Variants in CCSER1 observed in about 807,000 individuals in gnomAD.
CCSER1 encodes the protein serine-rich coiled-coil domain-containing protein 1.
Under a neutral mutation model 82.0 loss-of-function variants are expected in CCSER1, and 41 were observed. That is an observed-to-expected ratio of 0.50 (90% CI 0.39 to 0.65). The LOEUF (loss-of-function observed/expected upper bound fraction) is 0.65. Among genes scored for constraint, CCSER1 ranks in the 30% least tolerant of loss-of-function variants. CCSER1 has a pLI of 0.00. For synonymous variants in CCSER1, 414 were observed against 383.9 expected (o/e 1.08, Z -0.92); for missense variants, 1,119 against 1,064.2 (o/e 1.05, Z -0.72).
At chr4:91,452,232 G>A (rs1755909093) in intron 10 of CCSER1, among the ~76,000 whole-genome samples, 1 of 151,942 alleles carries the variant, frequency 6.6e-6, no homozygotes, top group Admixed American at 6.6e-5. Flanking sequence ...TCTTCAAGTA[G>A]AGCATATCAT....
At chr4:91,442,195 G>A (rs1226471498) in intron 10 of CCSER1, among the ~76,000 whole-genome samples, 1 of 150,646 alleles carries the variant, frequency 6.6e-6, no homozygotes, top group Admixed American at 6.6e-5. Flanking sequence ...CAAAGCTGGA[G>A]GCATCACGCT....
At chr4:90,576,468 A>G (rs1264410379) in intron 5 of CCSER1, among the ~76,000 whole-genome samples, 1 of 152,192 alleles carries the variant, frequency 6.6e-6, no homozygotes, top group African/African-American at 2.4e-5. Context: ...CTACCATTGT[A>G]CTAACACACA....
At chr4:91,441,567 G>A (rs1183158330) in intron 10 of CCSER1, among the ~76,000 whole-genome samples, 3 of 152,282 alleles carry the variant, frequency 2.0e-5, no homozygotes, top group African/African-American at 4.8e-5. Flanking sequence ...GCACAAGACA[G>A]GGATGCCTTC....
chr4:90,932,990 A>AAGAAAGAGAGAGAGAGAGAGAG (rs1561385285), intron 9 of CCSER1, among the ~76,000 whole-genome samples: 1 of 48,492 alleles, frequency 2.1e-5, no homozygotes, highest in Non-Finnish European at 3.9e-5. Flanking sequence ...AAGAGAAAGA[A>AAGAAAGAGAGAGAGAGAGAGAG]AGAAAGAAAG....
intron 4 of CCSER1, among the ~76,000 whole-genome samples, chr4:90,451,140 T>C (rs1048907600): frequency 3.3e-5 from 5 of 152,206 alleles, no homozygotes; most frequent in African/African-American, 1.2e-4. Flanking sequence ...TTGCCTTTTA[T>C]ACCCGCTGGG....
intron 9 of CCSER1, among the ~76,000 whole-genome samples, chr4:90,952,763 A>T (rs1170214019): frequency 4.6e-5 from 7 of 151,950 alleles, no homozygotes; most frequent in Non-Finnish European, 1.5e-5. Flanking sequence ...CTTTCCTGTG[A>T]CAAGTTTTGA....
intron 9 of CCSER1, among the ~76,000 whole-genome samples, chr4:90,936,638 C>G (rs1292848848): frequency 6.6e-6 from 1 of 152,020 alleles, no homozygotes; most frequent in Non-Finnish European, 1.5e-5. Context: ...AAAAGTGGAT[C>G]TGGGTTAGAC....
At chr4:90,272,077 C>T (rs957290174) in intron 1 of CCSER1, among the ~76,000 whole-genome samples, 1 of 151,270 alleles carries the variant, frequency 6.6e-6, no homozygotes, top group Non-Finnish European at 1.5e-5. Context: ...ACGACAACAG[C>T]GTGGGGGAAA....
chr4:90,712,055 G>C (rs1335805566), intron 6 of CCSER1, among the ~76,000 whole-genome samples: 1 of 150,334 alleles, frequency 6.7e-6, no homozygotes, highest in Non-Finnish European at 1.5e-5. Context: ...TATTAGTCTA[G>C]CTAGTGGTCT....
intron 9 of CCSER1, among the ~76,000 whole-genome samples, chr4:91,058,069 G>A (rs894808113): frequency 3.3e-5 from 5 of 152,010 alleles, no homozygotes; most frequent in African/African-American, 1.2e-4. Flanking sequence ...TTGTTACATA[G>A]GTAAACTTGT....
At chr4:90,610,035 G>A (rs939838395) in intron 5 of CCSER1, among the ~76,000 whole-genome samples, 3 of 151,982 alleles carry the variant, frequency 2.0e-5, no homozygotes, top group Non-Finnish European at 4.4e-5. Context: ...GGTGGATCAC[G>A]AGGTCAGGAG....
At chr4:90,938,284 G>A (rs867975576) in intron 9 of CCSER1, among the ~76,000 whole-genome samples, 6 of 152,168 alleles carry the variant, frequency 3.9e-5, no homozygotes, top group Admixed American at 1.3e-4. Flanking sequence ...GGACAGCCAC[G>A]TGAGACTTAT....
chr4:90,203,124 A>G (rs1404588318), intron 1 of CCSER1, among the ~76,000 whole-genome samples: 1 of 152,232 alleles, frequency 6.6e-6, no homozygotes, highest in Non-Finnish European at 1.5e-5. Context: ...CAATGTAGAC[A>G]CAGATACTAT....
At chr4:90,838,496 T>G (rs1326151608) in intron 8 of CCSER1, among the ~76,000 whole-genome samples, 1 of 151,734 alleles carries the variant, frequency 6.6e-6, no homozygotes, top group African/African-American at 2.4e-5. Flanking sequence ...TTTTTTTAAG[T>G]TTTTAAACTT....
At chr4:90,661,601 G>A (rs1168333754) in intron 6 of CCSER1, among the ~76,000 whole-genome samples, 1 of 152,164 alleles carries the variant, frequency 6.6e-6, no homozygotes, top group Non-Finnish European at 1.5e-5. Context: ...TAACTATAAA[G>A]GAGAACCTCC....
At chr4:90,858,592 T>C (rs1454337) in intron 8 of CCSER1, among the ~76,000 whole-genome samples, 41,061 of 151,802 alleles carry the variant, frequency 0.27, 5,906 homozygotes, top group South Asian at 0.36. Context: ...GAATAAATAT[T>C]GTTATTCATG....
chr4:90,409,429 C>T (rs1016606914), intron 4 of CCSER1, among the ~76,000 whole-genome samples: 6 of 152,208 alleles, frequency 3.9e-5, no homozygotes, highest in African/African-American at 1.4e-4. Flanking sequence ...AAAAGCTGAT[C>T]TCTCGGCAGA....
At chr4:90,700,085 C>A (rs1052488940) in intron 6 of CCSER1, among the ~76,000 whole-genome samples, 1 of 151,788 alleles carries the variant, frequency 6.6e-6, no homozygotes, top group South Asian at 2.1e-4. Flanking sequence ...TGTGCTGCAC[C>A]CATTAACTCG....
At chr4:90,371,215 T>C (rs59848514) in intron 3 of CCSER1, among the ~76,000 whole-genome samples, 49,265 of 151,992 alleles carry the variant, frequency 0.32, 8,143 homozygotes, top group South Asian at 0.4. Flanking sequence ...CTTAAAATAT[T>C]TCTGCTTCAA....
Sources: gnomAD v4.1 joint callset for allele counts (sites outside exome capture counted in the v4.1 genomes callset) on GRCh38, gnomAD v4.1.1 for gene constraint, MANE v1.5 for transcripts, NCBI Gene and HGNC (gene_info 2026-07-23, HGNC 2026-07-21) for gene names.